DTNA: variants seen among roughly 807,000 people sequenced by gnomAD.
The protein encoded by DTNA is dystrobrevin alpha.
In DTNA, 43 loss-of-function variants were observed where a neutral mutation model predicts 100.7. That is an observed-to-expected ratio of 0.43 (90% confidence interval 0.33 to 0.55). The LOEUF is 0.55. DTNA is among the 20% of genes least tolerant of loss of function. The pLI is 0.04. For missense variants in DTNA, 798 were observed against 953.9 expected (o/e 0.84, Z 2.15); for synonymous variants, 349 against 347.9 (o/e 1.00, Z -0.04).
intron 1 of DTNA, among the ~76,000 whole-genome samples, chr18:34,636,641 A>G (rs967428571): frequency 6.6e-6 from 1 of 152,140 alleles, no homozygotes; most frequent in Non-Finnish European, 1.5e-5. Context: ...TGAAGAGTGT[A>G]TTGATTTTAT....
intron 1 of DTNA, among the ~76,000 whole-genome samples, chr18:34,648,676 G>A (rs2060121721): frequency 6.6e-6 from 1 of 152,108 alleles, no homozygotes; most frequent in Non-Finnish European, 1.5e-5. Context: ...GCTTTGTTCC[G>A]ACTCTCAAGA....
chr18:34,656,858 A>G (rs2074448479), intron 1 of DTNA, among the ~76,000 whole-genome samples: 1 of 152,118 alleles, frequency 6.6e-6, no homozygotes, highest in Non-Finnish European at 1.5e-5. Context: ...TAATCTTTTT[A>G]TATTTGCATA....
intron 2 of DTNA, among the ~76,000 whole-genome samples, chr18:34,764,486 T>A (rs550738999): frequency 6.6e-6 from 1 of 152,342 alleles, no homozygotes; most frequent in South Asian, 2.1e-4. Context: ...GTGAGGGTAG[T>A]TCCCCATCTC....
intron 1 of DTNA, among the ~76,000 whole-genome samples, chr18:34,496,093 T>C (rs2039162531): frequency 2.0e-5 from 3 of 152,216 alleles, no homozygotes; most frequent in Middle Eastern, 3.4e-3. Context: ...TCACACTTAC[T>C]CAACATTATA....
chr18:34,598,467 A>G lies in DTNA; in HGVS notation c.-2+104953A>G, dbSNP rs953244088. On this transcript the variant is annotated intron_variant, in intron 1 of 19. Coordinates refer to the DTNA transcript ENST00000283365. Reference sequence around the variant, plus strand: ...ACAACCTCAATTTCAACCATTAGAAAACACTGGGTTGTTTTCAAATCACAG... The same window carrying G: ...ACAACCTCAATTTCAACCATTAGAAGACACTGGGTTGTTTTCAAATCACAG... 5.9e-5 allele frequency among the ~76,000 whole-genome samples: 9 copies of G among 152,202 alleles called. No homozygotes were observed. In the East Asian group the frequency reaches 1.7e-3, roughly 29 times the overall value.
At chr18:34,708,389 A>G (rs148465560), upstream of DTNA, among the ~76,000 whole-genome samples, 1 of 152,382 alleles carries the variant, frequency 6.6e-6, no homozygotes, top group East Asian at 1.9e-4. Context: ...TTGAGAAAGT[A>G]TCATTAACAA....
intron 13 of DTNA, among the ~76,000 whole-genome samples, chr18:34,844,065 A>G (rs62097229): frequency 6.8e-4 from 104 of 152,276 alleles, no homozygotes; most frequent in Non-Finnish European, 1.1e-3. Context: ...ATATTTCCTT[A>G]GAATCCTGGA....
At chr18:34,498,705 T>A (rs913002753) in intron 1 of DTNA, among the ~76,000 whole-genome samples, 1 of 152,022 alleles carries the variant, frequency 6.6e-6, no homozygotes, top group East Asian at 1.9e-4. Context: ...CTGAACAGAT[T>A]TGATAGTATC....
At chr18:34,735,094 A>G (rs1323336515) in intron 1 of DTNA, among the ~76,000 whole-genome samples, 2 of 152,134 alleles carry the variant, frequency 1.3e-5, no homozygotes. Flanking sequence ...ACACACTCAC[A>G]TATATATACA....
At chr18:34,771,861 T>C (rs2093789917) in intron 3 of DTNA, among the ~76,000 whole-genome samples, 1 of 152,246 alleles carries the variant, frequency 6.6e-6, no homozygotes, top group African/African-American at 2.4e-5. Context: ...CATCTCAGCC[T>C]TTATTTTAGA....
chr18:34,852,340 C>T (rs2096491788), intron 15 of DTNA, among the ~76,000 whole-genome samples: 1 of 151,962 alleles, frequency 6.6e-6, no homozygotes, highest in Non-Finnish European at 1.5e-5. Flanking sequence ...GCTAAAGAGG[C>T]ATCTGGAGAG....
At chr18:34,885,800 G>C (rs1193592370) in intron 22 of DTNA, among the ~76,000 whole-genome samples, 2 of 152,228 alleles carry the variant, frequency 1.3e-5, no homozygotes, top group Non-Finnish European at 2.9e-5. Flanking sequence ...ACACCTGGCA[G>C]CTGCCATATT....
rs545518853 is a variant in DTNA, at chr18:34,714,916, A to T, written c.-2+4471A>T. Reference sequence around the variant, plus strand: ...GTTCATGTCCTTTGTAGGGACATGGATGAAACTGGAAATCATCACTCTCAG... The same window carrying T: ...GTTCATGTCCTTTGTAGGGACATGGTTGAAACTGGAAATCATCACTCTCAG... On this transcript the variant is annotated intron_variant, in intron 1 of 22. Transcript: ENST00000444659. Among the ~76,000 whole-genome samples the T allele has an allele frequency of 3.8e-3, 574 of 152,254 alleles. 3 individuals carry two copies. The highest frequency in any genetic ancestry group is 5.2e-3 in the Non-Finnish European group (351 of 68,018).
At position 34,827,628 on chromosome 18, in the gene DTNA, T is replaced by C; in HGVS notation, c.1037T>C (p.Leu346Pro). 2 of 1,613,984 alleles carry C rather than the reference T, an allele frequency of 1.2e-6. No homozygotes were observed. The highest frequency in any genetic ancestry group is 1.7e-6 in the Non-Finnish European group (2 of 1,179,858). The change falls in exon 10 of 23, where the codon CTG becomes CCG. Residue 346 changes from leucine (L) to proline (P), a missense_variant. Around this residue, in one of 6 missense-constraint regions of DTNA, gnomAD observed 93 missense variants for 90.5 expected, o/e 1.03. Coordinates refer to ENST00000444659, the MANE Select transcript of DTNA (RefSeq NM_001386795.1). ...CCTGTAACCAGCATGAACGACACCC[T>C]GTTCTCCCACTCTGTTCCCTCCTCA... ...PRPVTSMNDTLFSHSVPSSGS... is the reference protein window; with the variant it reads ...PRPVTSMNDTPFSHSVPSSGS...
At chr18:34,674,133 G>A (rs1003303604) in intron 1 of DTNA, among the ~76,000 whole-genome samples, 38 of 152,276 alleles carry the variant, frequency 2.5e-4, no homozygotes, top group Admixed American at 1.4e-3. Context: ...TGAGGTTGCC[G>A]CCCAGCTTAG....
Position 34,888,586 on chromosome 18 carries a change from T to C in DTNA, c.*852T>C. On this transcript the variant is annotated 3_prime_UTR_variant, in exon 23 of 23. Transcript: ENST00000444659. Reference sequence around the variant, plus strand: ...AAGGCAGCATTCAAATTATATAGAATCTAGTTTTTAAAATCAGCACAGATC... The same window carrying C: ...AAGGCAGCATTCAAATTATATAGAACCTAGTTTTTAAAATCAGCACAGATC... 2.0e-6 allele frequency: 2 copies of C among 985,820 alleles called. No individual in the cohort carries two copies. The highest frequency in any genetic ancestry group is 2.4e-6 in the Non-Finnish European group (2 of 829,878). The allele number at this position is 985,820 out of a possible 1,614,324, so 61.1% of individuals were successfully genotyped here. A position where few individuals can be genotyped will look rare whatever the true frequency, so the allele number is the denominator to read the frequency against.
At chr18:34,671,307 G>A (rs751251228) in intron 1 of DTNA, among the ~76,000 whole-genome samples, 6 of 152,158 alleles carry the variant, frequency 3.9e-5, no homozygotes, top group Admixed American at 1.3e-4. Context: ...GGAGTGAACC[G>A]ATTTTCCAGG....
intron 21 of DTNA, among the ~76,000 whole-genome samples, chr18:34,882,510 G>A (rs900604918): frequency 2.7e-4 from 41 of 151,766 alleles, no homozygotes; most frequent in African/African-American, 9.4e-4. Context: ...CTGGGACTAC[G>A]GGCATGCACC....
intron 16 of DTNA, among the ~76,000 whole-genome samples, chr18:34,860,235 T>A (rs1317796361): frequency 5.0e-5 from 7 of 139,342 alleles, no homozygotes; most frequent in African/African-American, 8.0e-5. Context: ...TTTTTTTTTT[T>A]TTTTTTTTTT....
Sources: allele counts gnomAD v4.1 joint callset (sites outside exome capture counted in the v4.1 genomes callset), GRCh38; gene constraint gnomAD v4.1.1; regional missense constraint gnomAD v4.1.1; transcripts MANE v1.5; gene names NCBI Gene and HGNC (gene_info 2026-07-23, HGNC 2026-07-21).